The following IRS1 variants were observed in gnomAD, a reference collection of about 807,000 sequenced individuals.
The protein encoded by IRS1 is insulin receptor substrate 1.
IRS1 carries 34 observed loss-of-function variants against 65.6 expected under a neutral mutation model. That is an observed-to-expected ratio of 0.52 (90% CI 0.39 to 0.69). The LOEUF is 0.69. Ranked by LOEUF, IRS1 falls within the 30% of genes least tolerant of loss-of-function variation. IRS1 has a pLI of 0.00. For synonymous variants in IRS1, 699 were observed against 683.5 expected (o/e 1.02, Z -0.35); for missense variants, 1,641 against 1,720.2 (o/e 0.95, Z 0.81).
At chr2:226,744,746 T>C (rs192506032) in intron 1 of IRS1, among the ~76,000 whole-genome samples, 3 of 152,116 alleles carry the variant, frequency 2.0e-5, no homozygotes, top group Middle Eastern at 3.4e-3. Context: ...CATGGAAAAA[T>C]TGTCTTCCAT....
At chr2:226,742,003 A>T (rs902863933) in intron 1 of IRS1, among the ~76,000 whole-genome samples, 3 of 152,208 alleles carry the variant, frequency 2.0e-5, no homozygotes, top group Non-Finnish European at 4.4e-5. Context: ...GGAAGTTCCC[A>T]GCTTAAAGCC....
intron 1 of IRS1, among the ~76,000 whole-genome samples, chr2:226,778,816 C>T (rs565901490): frequency 6.6e-6 from 1 of 152,334 alleles, no homozygotes; most frequent in African/African-American, 2.4e-5. Context: ...GTCACCTGTT[C>T]CAGATCTCGA....
chr2:226,788,017 T>C (rs1047887391), intron 1 of IRS1, among the ~76,000 whole-genome samples: 1 of 149,092 alleles, frequency 6.7e-6, no homozygotes, highest in Non-Finnish European at 1.5e-5. Context: ...ATTACATATA[T>C]TCAAAAAAAA....
In IRS1 at chr2:226,795,948, G is replaced by A. The variant is rs772164561; in HGVS notation, c.2791C>T (p.Pro931Ser). 30 of 1,613,974 alleles carry A rather than the reference G, an allele frequency of 1.9e-5. No homozygotes were observed. The highest frequency in any genetic ancestry group is 2.5e-5 in the Non-Finnish European group (29 of 1,180,056). Reference protein sequence around the residue: ...VRCPSQLQPAPREEETGTEEY... With the variant: ...VRCPSQLQPASREEETGTEEY... ...TCAGTGCCAGTCTCTTCCTCTCTGG[G>A]AGCTGGCTGGAGCTGGGATGGACAC... The change falls in exon 1 of 2, where the codon CCC (proline) becomes TCC (serine). Residue 931 changes from proline (P) to serine (S), a missense_variant. By Grantham distance (74) the Pro-to-Ser change is moderately conservative. Coordinates refer to ENST00000305123, the MANE Select transcript of IRS1 (RefSeq NM_005544.3).
intron 1 of IRS1, among the ~76,000 whole-genome samples, chr2:226,747,320 G>A (rs1043173280): frequency 1.3e-5 from 2 of 152,088 alleles, no homozygotes; most frequent in Admixed American, 6.5e-5. Flanking sequence ...CAACATGATG[G>A]TATTAGGAGG....
Position 226,799,633 on chromosome 2 carries a change from C to T in IRS1, c.-895G>A. On this transcript the variant is annotated 5_prime_UTR_variant, in exon 1 of 2. Transcript: ENST00000305123. The surrounding 1 kb of genome is among the most constrained non-coding windows in gnomAD (Gnocchi z 6.1). ...GAAGACGCCTGTTCCTCGGGAGGCG[C>T]TGCCGCTGCAGTTACTTCTCCCCTC... The T allele has an allele frequency of 2.0e-6, 2 of 1,003,192 alleles. No individual in the cohort carries two copies. Among genetic ancestry groups the T allele is most frequent in the Non-Finnish European group, 2.4e-6 (2 of 832,146 alleles). The allele number at this position is 1,003,192 out of a possible 1,614,324, so 62.1% of individuals were successfully genotyped here. A position where few individuals can be genotyped will look rare whatever the true frequency, so the allele number is the denominator to read the frequency against.
chr2:226,790,535 A>C (rs1488937745), intron 1 of IRS1, among the ~76,000 whole-genome samples: 1 of 152,182 alleles, frequency 6.6e-6, no homozygotes. Flanking sequence ...CTTTTCTGGA[A>C]CAACAGAGAA....
intron 1 of IRS1, among the ~76,000 whole-genome samples, chr2:226,736,614 A>C (rs956868614): frequency 4.0e-5 from 6 of 151,710 alleles, no homozygotes; most frequent in Non-Finnish European, 7.4e-5. Flanking sequence ...AGCGGGTTGT[A>C]GTCAGTCTGT....
At chr2:226,744,850 C>T (rs533285392) in intron 1 of IRS1, among the ~76,000 whole-genome samples, 33 of 152,098 alleles carry the variant, frequency 2.2e-4, no homozygotes, top group African/African-American at 7.7e-4. Context: ...AAAGGTTTAG[C>T]CTTTGTTTTC....
chr2:226,786,557 A>T (rs529165422), intron 1 of IRS1, among the ~76,000 whole-genome samples: 60 of 152,108 alleles, frequency 3.9e-4, no homozygotes, highest in Non-Finnish European at 6.3e-4. Context: ...CTGGAAAGAT[A>T]AACAAAACCC....
chr2:226,776,253 T>C (rs1187195643), intron 1 of IRS1, among the ~76,000 whole-genome samples: 1 of 152,060 alleles, frequency 6.6e-6, no homozygotes, highest in African/African-American at 2.4e-5. Flanking sequence ...TACTGGATTA[T>C]GACCTGAAGT....
chr2:226,798,180 G>C lies in IRS1; in HGVS notation c.559C>G (p.Leu187Val), dbSNP rs1395250910. Reference protein sequence around the residue: ...KNLIGIYRLCLTSKTISFVKL... With the variant: ...KNLIGIYRLCVTSKTISFVKL... ...ACGAAGCTGATGGTCTTGCTGGTCA[G>C]GCAAAGGCGGTAGATACCAATCAGG... Residue 187 changes from leucine to valine, a missense_variant, in exon 1 of 2, where the codon CTG becomes GTG. Leu to Val is a conservative substitution (Grantham distance 32). Transcript: ENST00000305123. The surrounding 1 kb of genome is among the most constrained non-coding windows in gnomAD (Gnocchi z 9.4). 6.2e-7 allele frequency: 1 copy of C among 1,614,014 alleles called. No homozygotes were observed.
intron 1 of IRS1, among the ~76,000 whole-genome samples, chr2:226,790,627 T>C (rs1203013077): frequency 6.6e-6 from 1 of 152,202 alleles, no homozygotes; most frequent in Non-Finnish European, 1.5e-5. Flanking sequence ...ATGTTTCACT[T>C]GGCCCCTCAG....
chr2:226,799,157 C>A lies in IRS1; in HGVS notation c.-419G>T, dbSNP rs998804858. On this transcript the variant is annotated 5_prime_UTR_variant, in exon 1 of 2. Transcript: ENST00000305123. The surrounding 1 kb of genome is among the most constrained non-coding windows in gnomAD (Gnocchi z 6.1). ...CTCCAGGAGCGCGCGCGCGCGCGCG[C>A]CTTCCCTCCTGAGTTCCCCTCTGGA... is the stretch of plus-strand genomic sequence containing the variant. 18 of 1,102,878 alleles carry A rather than the reference C, an allele frequency of 1.6e-5. No homozygotes were observed. The highest frequency in any genetic ancestry group is 1.9e-5 in the Non-Finnish European group (17 of 892,666). The allele number at this position is 1,102,878 out of a possible 1,614,324, so 68.3% of individuals were successfully genotyped here.
rs371306259 is a variant in IRS1 at position 226,795,357 on chromosome 2, C to T, written c.3382G>A (p.Gly1128Ser). 84 of 1,613,032 alleles carry T rather than the reference C, an allele frequency of 5.2e-5. No individual in the cohort carries two copies. Among genetic ancestry groups the T allele is most frequent in the Non-Finnish European group, 6.2e-5 (73 of 1,179,974 alleles). ...PFGAGAAVGGGGGSSSSSEDV... is the reference protein window; with the variant it reads ...PFGAGAAVGGSGGSSSSSEDV... ...TCGCTGCTGCTGCTGCTACCGCCAC[C>T]GCCCCCTACTGCTGCCCCCGCTCCA... Residue 1128 changes from glycine to serine, a missense_variant, in exon 1 of 2, where the codon GGT (glycine) becomes AGT (serine). By Grantham distance (56) the Gly-to-Ser change is moderately conservative. Coordinates refer to ENST00000305123, the MANE Select transcript of IRS1 (RefSeq NM_005544.3).
At chr2:226,790,549 C>A (rs938953161) in intron 1 of IRS1, among the ~76,000 whole-genome samples, 2 of 152,202 alleles carry the variant, frequency 1.3e-5, no homozygotes, top group Non-Finnish European at 2.9e-5. Flanking sequence ...CAGAGAAACT[C>A]TCTCCCACTG....
chr2:226,798,208 C>A lies in IRS1; in HGVS notation c.531G>T (p.Lys177Asn). 2 of 1,613,912 alleles carry A rather than the reference C, an allele frequency of 1.2e-6. No homozygotes were observed. The highest frequency in any genetic ancestry group is 1.7e-6 in the Non-Finnish European group (2 of 1,180,030). The change falls in exon 1 of 2, where the codon AAG becomes AAT. Residue 177 changes from lysine (K) to asparagine (N), a missense_variant. Lys to Asn is a moderately conservative substitution (Grantham distance 94). Around this residue, in one of 3 missense-constraint regions of IRS1, gnomAD observed 77 missense variants for 129.6 expected, o/e 0.59. Coordinates refer to ENST00000305123, the MANE Select transcript of IRS1 (RefSeq NM_005544.3). This position sits in a 1 kb window ranked among gnomAD's most constrained non-coding sequence, Gnocchi z 9.4. ...ILKPKGLGQT[K>N]NLIGIYRLCL... ...AAAGGCGGTAGATACCAATCAGGTTCTTTGTCTGACCCAGGCCCTTGGGCT... is the reference window on the plus strand; with the variant it reads ...AAAGGCGGTAGATACCAATCAGGTTATTTGTCTGACCCAGGCCCTTGGGCT...
At chr2:226,757,976 G>A (rs1480379441) in intron 1 of IRS1, among the ~76,000 whole-genome samples, 1 of 152,104 alleles carries the variant, frequency 6.6e-6, no homozygotes, top group Non-Finnish European at 1.5e-5. Flanking sequence ...TAGTTAATAA[G>A]AAAAATACTA....
chr2:226,759,874 C>T (rs1338533506), intron 1 of IRS1, among the ~76,000 whole-genome samples: 2 of 152,182 alleles, frequency 1.3e-5, no homozygotes, highest in Admixed American at 6.5e-5. Flanking sequence ...ATAGGCTTAG[C>T]TGAGAAAGAA....
Sources: gnomAD v4.1 joint callset for allele counts (sites outside exome capture counted in the v4.1 genomes callset) on GRCh38, gnomAD v4.1.1 for gene constraint, gnomAD v4.1.1 regional missense constraint, Gnocchi (gnomAD v3.1) non-coding constraint, MANE v1.5 for transcripts, NCBI Gene and HGNC (gene_info 2026-07-23, HGNC 2026-07-21) for gene names.